The following CARF variants were observed in gnomAD, a reference collection of about 807,000 sequenced individuals.
CARF encodes the protein calcium-responsive transcription factor.
In CARF, 57 loss-of-function variants were observed where a neutral mutation model predicts 82.0. The observed-to-expected ratio is 0.70, with a 90% CI of 0.56 to 0.87. The LOEUF (loss-of-function observed/expected upper bound fraction) is 0.87, where lower values mean the gene tolerates loss of function less well. CARF is among the 40% of genes least tolerant of loss of function. The pLI is 0.00. For synonymous variants in CARF, 268 were observed against 290.1 expected (o/e 0.92, Z 0.77); for missense variants, 771 against 855.8 (o/e 0.90, Z 1.24).
chr2:202,932,138 C>T (rs1693052796), intron 3 of CARF, among the ~76,000 whole-genome samples: 1 of 152,086 alleles, frequency 6.6e-6, no homozygotes, highest in African/African-American at 2.4e-5. Context: ...ATCTCACTAT[C>T]TCAAGGAGAG....
chr2:202,947,502 A>G (rs1053374403), intron 5 of CARF, among the ~76,000 whole-genome samples: 1 of 152,152 alleles, frequency 6.6e-6, no homozygotes, highest in Non-Finnish European at 1.5e-5. Flanking sequence ...GAGGATGGAG[A>G]GCAATAGGAC....
chr2:202,974,075 G>A (rs528033315), intron 12 of CARF, among the ~76,000 whole-genome samples: 1 of 152,100 alleles, frequency 6.6e-6, no homozygotes, highest in Admixed American at 6.5e-5. Context: ...GCGACAGAGC[G>A]AGACTCCATC....
chr2:202,913,796 T>G (rs868123707), intron 1 of CARF, among the ~76,000 whole-genome samples: 4 of 152,366 alleles, frequency 2.6e-5, no homozygotes, highest in African/African-American at 9.6e-5. Context: ...ATTTTTATCA[T>G]TAATTTGAAA....
At chr2:202,930,974 T>C (rs1222897820) in intron 3 of CARF, among the ~76,000 whole-genome samples, 1 of 145,270 alleles carries the variant, frequency 6.9e-6, no homozygotes, top group African/African-American at 2.5e-5. Context: ...TTTTCTTTTT[T>C]TTTTTTTTTT....
intron 3 of CARF, among the ~76,000 whole-genome samples, chr2:202,927,450 G>A (rs1692064385): frequency 6.6e-6 from 1 of 151,944 alleles, no homozygotes; most frequent in Non-Finnish European, 1.5e-5. Flanking sequence ...ATTAACATAT[G>A]TATTACTCAT....
At chr2:202,978,126 G>A (rs558006354) in intron 14 of CARF, among the ~76,000 whole-genome samples, 5 of 152,296 alleles carry the variant, frequency 3.3e-5, no homozygotes, top group African/African-American at 4.8e-5. Flanking sequence ...GATTACAGGC[G>A]TGAGCCACTG....
Position 202,982,108 on chromosome 2 carries a change from G to T in CARF, c.1726G>T (p.Glu576Ter). 1 of 1,614,076 alleles carries T rather than the reference G, an allele frequency of 6.2e-7. No individual in the cohort carries two copies. Among genetic ancestry groups the T allele is most frequent in the Non-Finnish European group, 8.5e-7 (1 of 1,179,968 alleles). The change falls in exon 16 of 17, where the codon GAA (glutamate) becomes TAA (stop). Residue 576 changes from glutamate (E) to a stop codon, truncating the protein, a stop_gained. Transcript: ENST00000438828. LOFTEE classifies it high-confidence loss of function. The stretch of plus-strand genomic sequence containing the variant: ...ACAACCAAGGTACACCTCTCCTGAT[G>T]AATCACCAGCTGTGGTATCAGTAAA... ...QLQPRYTSPD[E>*]SPAVVSVNNQ...
At chr2:202,974,760 G>A (rs192161046) in intron 13 of CARF, among the ~76,000 whole-genome samples, 8 of 152,026 alleles carry the variant, frequency 5.3e-5, no homozygotes, top group South Asian at 2.1e-4. Context: ...TTGGGTGGGC[G>A]TGATGGTGGG....
intron 14 of CARF, among the ~76,000 whole-genome samples, chr2:202,979,127 C>T (rs565652723): frequency 2.0e-5 from 3 of 152,206 alleles, no homozygotes; most frequent in South Asian, 4.2e-4. Flanking sequence ...CATGGTGGCA[C>T]ATGCCTGTAA....
intron 2 of CARF, among the ~76,000 whole-genome samples, chr2:202,921,269 G>A (rs1338861037): frequency 2.0e-5 from 3 of 152,102 alleles, no homozygotes; most frequent in Non-Finnish European, 4.4e-5. Context: ...CCAAAGTGCT[G>A]GCTGGGATTA....
chr2:202,966,055 T>C (rs2059536097), intron 9 of CARF, among the ~76,000 whole-genome samples: 1 of 152,168 alleles, frequency 6.6e-6, no homozygotes, highest in Non-Finnish European at 1.5e-5. Flanking sequence ...TCCACAGAGC[T>C]CCCTTACCAC....
chr2:202,933,378 G>C (rs1693313952), intron 3 of CARF, among the ~76,000 whole-genome samples: 4 of 152,118 alleles, frequency 2.6e-5, no homozygotes, highest in Admixed American at 6.5e-5. Flanking sequence ...ACAGTGCCTG[G>C]GACACAGTGT....
Position 202,982,398 on chromosome 2 carries a change from G to T in CARF, c.2016G>T (p.Val672=). 1 of 1,614,012 alleles carries T rather than the reference G, an allele frequency of 6.2e-7. No homozygotes were observed. The highest frequency in any genetic ancestry group is 8.5e-7 in the Non-Finnish European group (1 of 1,179,944). Residue 672 remains valine (V), a synonymous_variant, in exon 16 of 17, where the codon GTG becomes GTT. Coordinates refer to ENST00000438828, the MANE Select transcript of CARF (RefSeq NM_024744.17). ...TTCATCGGATTCTGTTGGGAGATGT[G>T]CAGACTATTCCAATACAGATTATAG... is the stretch of plus-strand genomic sequence containing the variant. ...GTVHRILLGD[V]QTIPIQIIDN...
At chr2:202,919,250 T>C (rs1690337030) in intron 2 of CARF, among the ~76,000 whole-genome samples, 1 of 152,232 alleles carries the variant, frequency 6.6e-6, no homozygotes, top group Admixed American at 6.5e-5. Context: ...TGTTAATGGC[T>C]GATGTTCCCT....
intron 14 of CARF, 38 bp from the exon 15 acceptor site, chr2:202,981,492 GTATTTTTATGACTTCATAGAAGCCA>G: frequency 8.5e-7 from 1 of 1,172,796 alleles, no homozygotes; most frequent in Non-Finnish European, 1.2e-6. Flanking sequence ...TTGTAATAAA[GTATTTTTATGACTTCATAGAAGCCA>G]TAAAAATTAT....
Position 202,927,024 on chromosome 2 carries a change from G to T in CARF, c.-44+2609G>T, listed in dbSNP as rs574516151. On this transcript the variant is annotated intron_variant, in intron 3 of 16. Transcript: ENST00000438828. Reference sequence around the variant, plus strand: ...GAGATAAGGTTTCATCATGTTGCCCGTGGCTGGTCTCGAACTCCTGAGTTC... The same window carrying T: ...GAGATAAGGTTTCATCATGTTGCCCTTGGCTGGTCTCGAACTCCTGAGTTC... Among the ~76,000 whole-genome samples, 110 of 152,082 alleles carry T rather than the reference G, an allele frequency of 7.2e-4. 1 individual carries two copies. Among genetic ancestry groups the T allele is most frequent in the African/African-American group, 2.5e-3 (103 of 41,476 alleles).
At chr2:202,955,901 T>C (rs541018055) in intron 8 of CARF, 143 bp downstream of exon 8, 28 of 517,420 alleles carry the variant, frequency 5.4e-5, no homozygotes, top group African/African-American at 4.7e-4. Context: ...ATCTCATCTA[T>C]TGTTGAATTC....
chr2:202,957,552 A>C (rs1382892628), intron 8 of CARF, among the ~76,000 whole-genome samples: 2 of 152,126 alleles, frequency 1.3e-5, no homozygotes, highest in Non-Finnish European at 2.9e-5. Context: ...TATTCTTCAA[A>C]TCCCAATGCA....
chr2:202,964,403 A>G (rs1226349012), intron 9 of CARF, among the ~76,000 whole-genome samples: 1 of 151,966 alleles, frequency 6.6e-6, no homozygotes, highest in Non-Finnish European at 1.5e-5. Flanking sequence ...CCTCAGCTTC[A>G]TGAGTAGCTG....
Sources: gnomAD v4.1 joint callset for allele counts (sites outside exome capture counted in the v4.1 genomes callset) on GRCh38, gnomAD v4.1.1 for gene constraint, MANE v1.5 for transcripts, NCBI Gene and HGNC (gene_info 2026-07-23, HGNC 2026-07-21) for gene names.